MYG1: variants seen among roughly 807,000 people sequenced by gnomAD.
MYG1 encodes the protein MYG1 exonuclease.
Under a neutral mutation model 43.5 loss-of-function variants are expected in MYG1, and 36 were observed. The observed-to-expected ratio is 0.83, with a 90% confidence interval of 0.63 to 1.09. MYG1 has a LOEUF of 1.09. Ranked by LOEUF, MYG1 falls within the 50% of genes least tolerant of loss-of-function variation. The probability of loss-of-function intolerance (pLI) is 0.00; values close to 1 mark genes in which losing one functional copy is unlikely to be tolerated. For synonymous variants in MYG1, 220 were observed against 202.8 expected (o/e 1.08, Z -0.72); for missense variants, 529 against 495.1 (o/e 1.07, Z -0.65).
At chr12:53,305,639 C>T (rs1332227543) in intron 3 of MYG1, 5 of 314,422 alleles carry the variant, frequency 1.6e-5, no homozygotes, top group African/African-American at 4.3e-5. Context: ...TAGCAGTCCC[C>T]TCCCTACACG....
chr12:53,305,940 T>A lies in MYG1; in HGVS notation c.522T>A (p.Ala174=). Residue 174 remains alanine (A), a synonymous_variant, in exon 4 of 7, where the codon GCT becomes GCA. Transcript: ENST00000267103. ...MYENFVEEVD[A]VDNGISQWAE... ...AGAACTTTGTGGAGGAGGTGGATGC[T>A]GTGGACAATGGGATCTCCCAGTGGG... 1.9e-6 allele frequency: 3 copies of A among 1,612,412 alleles called. No individual in the cohort carries two copies. Among genetic ancestry groups the A allele is most frequent in the Non-Finnish European group, 2.5e-6 (3 of 1,179,234 alleles).
Position 53,305,736 on chromosome 12 carries a change from T to C in MYG1, c.490-172T>C, listed in dbSNP as rs1944269731. On this transcript the variant is annotated intron_variant, in intron 3 of 6. Coordinates refer to ENST00000267103, the MANE Select transcript of MYG1 (RefSeq NM_021640.4). Reference sequence around the variant, plus strand: ...GAATTCCAGTCACAGCACAACGAGCTGTCTGAGCTTCAGCGAGCTGCTGAA... The same window carrying C: ...GAATTCCAGTCACAGCACAACGAGCCGTCTGAGCTTCAGCGAGCTGCTGAA... 3 of 711,914 alleles carry C rather than the reference T, an allele frequency of 4.2e-6. No individual in the cohort carries two copies. The South Asian group carries it at 6.6e-5, about 16-fold the overall frequency. The allele number at this position is 711,914 out of a possible 1,614,324, so 44.1% of individuals were successfully genotyped here.
At chr12:53,302,959 G>A in intron 2 of MYG1, 75 bp from the exon 3 acceptor site, 6 of 1,418,474 alleles carry the variant, frequency 4.2e-6, no homozygotes, top group Non-Finnish European at 3.8e-6. Context: ...GAAGCATTGA[G>A]TTAACCATTG....
rs766468419 is a variant in MYG1, at chr12:53,306,779, ATCT to A, written c.870_872del (p.Phe291del). 12 of 1,614,110 alleles carry A rather than the reference ATCT, an allele frequency of 7.4e-6. No homozygotes were observed. The African/African-American group carries it at 8.0e-5, about 11-fold the overall frequency. On this transcript the variant is annotated inframe_deletion, in exon 6 of 7. Coordinates refer to ENST00000267103, the MANE Select transcript of MYG1 (RefSeq NM_021640.4). Reference sequence around the variant, plus strand: ...ATCTGGGCTGTCCCCTCCAGTGGCCATCTTCTTTGTTATCTACACTGACCAGGC... The same window carrying A: ...ATCTGGGCTGTCCCCTCCAGTGGCCATCTTTGTTATCTACACTGACCAGGC...
At position 53,299,720 on chromosome 12, in the gene MYG1, C is replaced by T. The variant is rs1440295064; in HGVS notation, c.-18C>T. Reference sequence around the variant, plus strand: ...CTCTTCCGGGTCGGCGCTCCTGCCTCCCTGCAGGGAGCTGCTTATGGGACA... The same window carrying T: ...CTCTTCCGGGTCGGCGCTCCTGCCTTCCTGCAGGGAGCTGCTTATGGGACA... On this transcript the variant is annotated 5_prime_UTR_variant, in exon 1 of 7. Transcript: ENST00000267103. 5.0e-6 allele frequency: 8 copies of T among 1,602,896 alleles called. No individual in the cohort carries two copies. Among genetic ancestry groups the T allele is most frequent in the Non-Finnish European group, 6.8e-6 (8 of 1,174,588 alleles).
chr12:53,303,158 G>A lies in MYG1; in HGVS notation c.454G>A (p.Glu152Lys). 6.2e-7 allele frequency: 1 copy of A among 1,614,210 alleles called. No homozygotes were observed. The highest frequency in any genetic ancestry group is 8.5e-7 in the Non-Finnish European group (1 of 1,180,032). Residue 152 changes from glutamate (E) to lysine (K), a missense_variant, in exon 3 of 7, where the codon GAA becomes AAA. Glu to Lys is a moderately conservative substitution (Grantham distance 56). Coordinates refer to ENST00000267103, the MANE Select transcript of MYG1 (RefSeq NM_021640.4). ...GCTGGCCCAGTTGCTGGGCACTAGTGAAGAGGACAGCATGGTGGGCACCCT... is the reference window on the plus strand; with the variant it reads ...GCTGGCCCAGTTGCTGGGCACTAGTAAAGAGGACAGCATGGTGGGCACCCT... ...KLLAQLLGTS[E>K]EDSMVGTLYD...
At chr12:53,302,980 T>G in intron 2 of MYG1, 54 bp from the exon 3 acceptor site, 1 of 1,505,120 alleles carries the variant, frequency 6.6e-7, no homozygotes, top group Non-Finnish European at 9.0e-7. Flanking sequence ...AATGAATGCA[T>G]GGAGACTCTA....
intron 5 of MYG1, 42 bp from the exon 6 acceptor site, chr12:53,306,638 C>A: frequency 6.3e-7 from 1 of 1,576,922 alleles, no homozygotes; most frequent in Non-Finnish European, 8.6e-7. Context: ...TCACCATGCC[C>A]AGCCTACCTT....
Position 53,306,674 on chromosome 12 carries a change from TTTCAGG to T in MYG1, c.766-4_767del. 6.2e-7 allele frequency: 1 copy of T among 1,611,492 alleles called. No homozygotes were observed. Among genetic ancestry groups the T allele is most frequent in the Non-Finnish European group, 8.5e-7 (1 of 1,178,622 alleles). ...AAACCTTCTAGCTATGCTCTCCCTCTTTCAGGTGGACCCAAGTGGAGAGATTGTGGA... is the reference window on the plus strand; with the variant it reads ...AAACCTTCTAGCTATGCTCTCCCTCTTGGACCCAAGTGGAGAGATTGTGGA... On this transcript the variant is annotated splice_acceptor_variant and splice_polypyrimidine_tract_variant and coding_sequence_variant and intron_variant, in exon 6 of 7. Coordinates refer to ENST00000267103, the MANE Select transcript of MYG1 (RefSeq NM_021640.4). LOFTEE classifies it high-confidence loss of function.
intron 3 of MYG1, 79 bp downstream of exon 3, chr12:53,303,272 G>A: frequency 6.6e-7 from 1 of 1,508,594 alleles, no homozygotes; most frequent in Non-Finnish European, 9.0e-7. Flanking sequence ...ACAGCACTCA[G>A]CACTGGGCCT....
intron 3 of MYG1, among the ~76,000 whole-genome samples, chr12:53,304,065 G>A (rs1474873554): frequency 1.3e-5 from 2 of 151,682 alleles, no homozygotes; most frequent in African/African-American, 4.8e-5. Context: ...GGATGGTCTT[G>A]ATCTCCTGAC....
At chr12:53,305,731 C>T (rs767539091) in intron 3 of MYG1, 177 bp from the exon 4 acceptor site, 7 of 688,580 alleles carry the variant, frequency 1.0e-5, no homozygotes, top group East Asian at 5.9e-5. Flanking sequence ...CACAGCACAA[C>T]GAGCTGTCTG....
chr12:53,303,244 C>T, intron 3 of MYG1, 51 bp downstream of exon 3: 1 of 1,590,200 alleles, frequency 6.3e-7, no homozygotes, highest in Non-Finnish European at 8.6e-7. Flanking sequence ...CAGCAGGCCG[C>T]CTGGGAGCAG....
In MYG1 at chr12:53,299,805, A is replaced by G. The variant is rs745918136; in HGVS notation, c.68A>G (p.His23Arg). 6.2e-7 allele frequency: 1 copy of G among 1,614,014 alleles called. No individual in the cohort carries two copies. The highest frequency in any genetic ancestry group is 8.5e-7 in the Non-Finnish European group (1 of 1,179,968). The part of the protein sequence containing the change: ...LLPPPPLYTR[H>R]RMLGPESVPP... ...CCGCCGCCACCCCTGTATACCCGGC[A>G]CCGCATGCTCGGTCCAGAGTCCGTC... is the stretch of plus-strand genomic sequence containing the variant. Residue 23 changes from histidine to arginine, a missense_variant, in exon 1 of 7, where the codon CAC (histidine) becomes CGC (arginine). His to Arg is a conservative substitution (Grantham distance 29). Transcript: ENST00000267103.
chr12:53,303,844 TTTG>T (rs1384678270), intron 3 of MYG1: 1 of 152,266 alleles, frequency 6.6e-6, no homozygotes, highest in Non-Finnish European at 1.5e-5. Flanking sequence ...TCTCAGTTTT[TTTG>T]TTGTTTTTTG....
Position 53,299,743 on chromosome 12 carries a change from A to T in MYG1, c.6A>T (p.Gly2=). 1.2e-6 allele frequency: 2 copies of T among 1,612,312 alleles called. No individual in the cohort carries two copies. The highest frequency in any genetic ancestry group is 1.7e-6 in the Non-Finnish European group (2 of 1,179,424). Residue 2 remains glycine, a synonymous_variant, in exon 1 of 7, where the codon GGA becomes GGT. Coordinates refer to ENST00000267103, the MANE Select transcript of MYG1 (RefSeq NM_021640.4). The part of the protein sequence containing the change: M[G]HQFLRGLLTL... ...CTCCCTGCAGGGAGCTGCTTATGGG[A>T]CACCAATTCCTGCGCGGCCTCTTAA... is the stretch of plus-strand genomic sequence containing the variant.
chr12:53,305,883 A>G (rs772610047), intron 3 of MYG1, 25 bp from the exon 4 acceptor site: 2 of 1,562,396 alleles, frequency 1.3e-6, no homozygotes, highest in Admixed American at 1.9e-5. Flanking sequence ...TAGCCTCAAG[A>G]AGGTTTCCCC....
intron 2 of MYG1, among the ~76,000 whole-genome samples, chr12:53,300,716 T>G (rs1944223050): frequency 6.6e-6 from 1 of 152,054 alleles, no homozygotes; most frequent in Non-Finnish European, 1.5e-5. Flanking sequence ...ATTCCAATCC[T>G]TTTCTTCTCC....
Position 53,307,127 on chromosome 12 carries a change from C to T in MYG1, c.1109C>T (p.Ser370Leu). ...GCCCGTGCCACCTTGGCCCAGCGCTCATACCTCCCACAAATCTCCTAGTCT... is the reference window on the plus strand; with the variant it reads ...GCCCGTGCCACCTTGGCCCAGCGCTTATACCTCCCACAAATCTCCTAGTCT... ...SMARATLAQRSYLPQIS is the reference protein window; with the variant it reads ...SMARATLAQRLYLPQIS The change falls in exon 7 of 7, where the codon TCA becomes TTA. Residue 370 changes from serine (S) to leucine (L), a missense_variant. By Grantham distance (145) the Ser-to-Leu change is moderately radical. Transcript: ENST00000267103. 1.2e-6 allele frequency: 2 copies of T among 1,611,524 alleles called. No homozygotes were observed. The highest frequency in any genetic ancestry group is 1.7e-6 in the Non-Finnish European group (2 of 1,178,706).
Sources: allele counts gnomAD v4.1 joint callset (sites outside exome capture counted in the v4.1 genomes callset), GRCh38; gene constraint gnomAD v4.1.1; transcripts MANE v1.5; gene names NCBI Gene and HGNC (gene_info 2026-07-23, HGNC 2026-07-21).